SDR16C5: variants seen among roughly 807,000 people sequenced by gnomAD.
The protein encoded by SDR16C5 is epidermal retinol dehydrogenase 2.
In SDR16C5, 20 loss-of-function variants were observed where a neutral mutation model predicts 27.7. The observed-to-expected ratio is 0.72, with a 90% CI of 0.51 to 1.05. The LOEUF is 1.05. SDR16C5 is among the 50% of genes least tolerant of loss of function. SDR16C5 has a pLI of 0.00. For synonymous variants in SDR16C5, 139 were observed against 132.3 expected (o/e 1.05, Z -0.35); for missense variants, 374 against 366.3 (o/e 1.02, Z -0.17).
intron 3 of SDR16C5, among the ~76,000 whole-genome samples, chr8:56,310,370 A>AAGAGAGAG (rs58235787): frequency 5.3e-5 from 4 of 75,746 alleles, no homozygotes; most frequent in Admixed American, 4.3e-4. Context: ...AAAAGAAGAA[A>AAGAGAGAG]AGAGAGAGAC....
chr8:56,305,625 A>G lies in SDR16C5; in HGVS notation c.808T>C (p.Leu270=). ...QEKMYLYMPK[L]LYFMMFLKSF... is the part of the protein sequence containing the mutation. ...TTAAGAAACATCATGAAGTATAACA[A>G]CTTTGGCATATACAAGTACATTTTT... Residue 270 remains leucine, a synonymous_variant, in exon 6 of 7, where the codon TTG becomes CTG. Coordinates refer to ENST00000303749, the MANE Select transcript of SDR16C5 (RefSeq NM_138969.4). 6.3e-7 allele frequency: 1 copy of G among 1,594,144 alleles called. No individual in the cohort carries two copies. Among genetic ancestry groups the G allele is most frequent in the Non-Finnish European group, 8.5e-7 (1 of 1,174,564 alleles).
At chr8:56,319,774 T>A (rs1365326148) in intron 1 of SDR16C5, among the ~76,000 whole-genome samples, 1 of 152,142 alleles carries the variant, frequency 6.6e-6, no homozygotes, top group Non-Finnish European at 1.5e-5. Context: ...CATCCTGCCC[T>A]CTGCTCCGGG....
chr8:56,300,383 T>TC lies in SDR16C5; in HGVS notation c.*1096dup. The TC allele has an allele frequency of 6.6e-6, 1 of 152,256 alleles. No individual in the cohort carries two copies. The highest frequency in any genetic ancestry group is 1.9e-4 in the East Asian group (1 of 5,172). 9.4% of individuals were successfully genotyped at this position (152,256 alleles called of 1,614,324 possible). A position where few individuals can be genotyped will look rare whatever the true frequency, so the allele number is the denominator to read the frequency against. On this transcript the variant is annotated 3_prime_UTR_variant, in exon 7 of 7. Coordinates refer to ENST00000303749, the MANE Select transcript of SDR16C5 (RefSeq NM_138969.4). ...GTCTCCCAAGGTACCGCTCATCCCC[T>TC]CCTTGCTCCCCACAAGAGGGAAGAG...
At chr8:56,311,870 GAA>G (rs1815052432) in intron 3 of SDR16C5, among the ~76,000 whole-genome samples, 2 of 152,170 alleles carry the variant, frequency 1.3e-5, no homozygotes, top group African/African-American at 4.8e-5. Flanking sequence ...CTGTTTTAAG[GAA>G]AATATGTGAG....
chr8:56,308,457 C>A (rs1391643975), intron 4 of SDR16C5, among the ~76,000 whole-genome samples: 1 of 152,200 alleles, frequency 6.6e-6, no homozygotes, highest in Non-Finnish European at 1.5e-5. Flanking sequence ...AAATGCCCAC[C>A]ACTTCCTGCA....
chr8:56,301,871 C>G (rs12675997), intron 6 of SDR16C5, among the ~76,000 whole-genome samples: 27,404 of 152,138 alleles, frequency 0.18, 2,604 homozygotes, highest in African/African-American at 0.25. Flanking sequence ...AAGTCTTGTC[C>G]TGTAGGCATG....
rs773703470 is a variant in SDR16C5 at position 56,306,668 on chromosome 8, A to G, written c.710+8T>C. The stretch of plus-strand genomic sequence containing the variant: ...TGTAGATTCTTTGAAATTAAAGGAC[A>G]TACTTACCCTGTAGTACAACCTTCA... On this transcript the variant is annotated splice_region_variant and intron_variant, in intron 5 of 6. Transcript: ENST00000303749. 5.7e-6 allele frequency: 9 copies of G among 1,579,148 alleles called. No homozygotes were observed. The South Asian group carries it at 9.5e-5, about 17-fold the overall frequency.
chr8:56,310,118 GGAA>G (rs1210253459), intron 3 of SDR16C5, among the ~76,000 whole-genome samples: 1 of 104,882 alleles, frequency 9.5e-6, no homozygotes, highest in Non-Finnish European at 2.0e-5. Flanking sequence ...AGGAGGAGAA[GGAA>G]GGAGGAGGAG....
At chr8:56,315,686 C>T (rs1815173913) in intron 2 of SDR16C5, among the ~76,000 whole-genome samples, 1 of 152,112 alleles carries the variant, frequency 6.6e-6, no homozygotes, top group African/African-American at 2.4e-5. Context: ...AGCAGGTACT[C>T]AGGTGTCAAT....
intron 4 of SDR16C5, among the ~76,000 whole-genome samples, chr8:56,308,265 T>C (rs754843543): frequency 1.3e-5 from 2 of 152,232 alleles, no homozygotes; most frequent in Non-Finnish European, 2.9e-5. Context: ...GTTTTAGCAA[T>C]GTTTGTAAGC....
chr8:56,303,803 T>C (rs1183972099), intron 6 of SDR16C5: 1 of 595,056 alleles, frequency 1.7e-6, no homozygotes, highest in Admixed American at 2.9e-5. Flanking sequence ...ATTACTATAC[T>C]ATAATCTGCC....
At position 56,316,686 on chromosome 8, in the gene SDR16C5, T is replaced by C. The variant is rs73598186; in HGVS notation, c.-14-325A>G. Among the ~76,000 whole-genome samples the C allele has an allele frequency of 5.1e-3, 778 of 152,344 alleles. 6 individuals are homozygous for C. Among genetic ancestry groups the C allele is most frequent in the African/African-American group, 0.018 (736 of 41,572 alleles). On this transcript the variant is annotated intron_variant, in intron 1 of 6. Coordinates refer to ENST00000303749, the MANE Select transcript of SDR16C5 (RefSeq NM_138969.4). Reference sequence around the variant, plus strand: ...AAAAGAATAAGTTCATTATTGCTCATAGTTAGCCTTTCTTCATAATAATAA... The same window carrying C: ...AAAAGAATAAGTTCATTATTGCTCACAGTTAGCCTTTCTTCATAATAATAA...
At chr8:56,301,650 G>T in intron 6 of SDR16C5, 77 bp from the exon 7 acceptor site, 1 of 1,048,988 alleles carries the variant, frequency 9.5e-7, no homozygotes, top group Non-Finnish European at 1.5e-6. Context: ...GAAAAGCAGT[G>T]TCACCTCTTG....
chr8:56,304,008 T>A (rs564136979), intron 6 of SDR16C5: 1 of 702,992 alleles, frequency 1.4e-6, no homozygotes, highest in East Asian at 2.7e-5. Context: ...GAATTTCGAA[T>A]TGCTTGTCCA....
In SDR16C5 at chr8:56,300,540, A is replaced by G. The variant is rs1419169558; in HGVS notation, c.*940T>C. 6.6e-6 allele frequency: 1 copy of G among 152,232 alleles called. No homozygotes were observed. Among genetic ancestry groups the G allele is most frequent in the Non-Finnish European group, 1.5e-5 (1 of 68,036 alleles). 9.4% of individuals were successfully genotyped at this position (152,232 alleles called of 1,614,324 possible). ...CTCCAAAGCATGAAAGCACTTTGCC[A>G]GTTGATTAAACTGTAAGAATACAAT... On this transcript the variant is annotated 3_prime_UTR_variant, in exon 7 of 7. Coordinates refer to ENST00000303749, the MANE Select transcript of SDR16C5 (RefSeq NM_138969.4).
chr8:56,305,250 A>G (rs1365108311), intron 6 of SDR16C5, among the ~76,000 whole-genome samples: 2 of 152,204 alleles, frequency 1.3e-5, no homozygotes, highest in East Asian at 1.9e-4. Context: ...TGGATACAAT[A>G]TCTATTCCAA....
At chr8:56,306,625 G>A in intron 5 of SDR16C5, 51 bp downstream of exon 5, 1 of 1,458,086 alleles carries the variant, frequency 6.9e-7, no homozygotes, top group Non-Finnish European at 9.2e-7. Flanking sequence ...AAATAAAATA[G>A]CAAAACATTT....
At chr8:56,306,176 G>T (rs1814876735) in intron 5 of SDR16C5, among the ~76,000 whole-genome samples, 3 of 152,204 alleles carry the variant, frequency 2.0e-5, no homozygotes. Flanking sequence ...TAGGTCACCA[G>T]TGTGGAGCCC....
chr8:56,309,095 A>G (rs1273531115), intron 3 of SDR16C5, 68 bp from the exon 4 acceptor site: 1 of 1,193,738 alleles, frequency 8.4e-7, no homozygotes, highest in Non-Finnish European at 1.1e-6. Flanking sequence ...ATATTTATAT[A>G]CTCATTGTGA....
Sources: gnomAD v4.1 joint callset for allele counts (sites outside exome capture counted in the v4.1 genomes callset) on GRCh38, gnomAD v4.1.1 for gene constraint, MANE v1.5 for transcripts, NCBI Gene and HGNC (gene_info 2026-07-23, HGNC 2026-07-21) for gene names.